The following KAT6B variants were observed in gnomAD, a reference collection of about 807,000 sequenced individuals.
The protein encoded by KAT6B is histone acetyltransferase KAT6B.
A neutral mutation model predicts 187.5 loss-of-function variants in KAT6B; 10 were observed. The observed-to-expected ratio is 0.05, with a 90% CI of 0.03 to 0.09. The LOEUF is 0.09. Among genes scored for constraint, KAT6B ranks in the 10% least tolerant of loss-of-function variants. The pLI is 1.00. For missense variants in KAT6B, 1,952 were observed against 2,558.9 expected, an observed-to-expected ratio of 0.76 and a Z score of 5.12; for synonymous variants, 861 against 926.8, an observed-to-expected ratio of 0.93 and a Z score of 1.29.
chr10:74,981,477 G>A (rs1324809328), intron 10 of KAT6B, among the ~76,000 whole-genome samples: 1 of 152,064 alleles, frequency 6.6e-6, no homozygotes, highest in African/African-American at 2.4e-5. Flanking sequence ...GGGCTTAAGC[G>A]ATCTTCCTGC....
At chr10:75,022,383 T>A in intron 16 of KAT6B, 152 bp downstream of exon 16, 2 of 953,826 alleles carry the variant, frequency 2.1e-6, no homozygotes. Flanking sequence ...CATAATCGTT[T>A]ATCTCACAGT....
At chr10:74,834,085 G>A (rs1589436824) in intron 1 of KAT6B, among the ~76,000 whole-genome samples, 1 of 152,184 alleles carries the variant, frequency 6.6e-6, no homozygotes, top group African/African-American at 2.4e-5. Context: ...GTTTGTGTGT[G>A]TATGTGCATG....
chr10:75,003,043 C>G (rs1300036581), intron 13 of KAT6B: 2 of 152,202 alleles, frequency 1.3e-5, no homozygotes, highest in Non-Finnish European at 2.9e-5. Flanking sequence ...ACCATCAGCA[C>G]TGGTTTACTT....
chr10:74,943,781 G>T (rs1362850868), intron 3 of KAT6B, among the ~76,000 whole-genome samples: 1 of 152,104 alleles, frequency 6.6e-6, no homozygotes, highest in Non-Finnish European at 1.5e-5. Flanking sequence ...ATCGATAAAT[G>T]GCACTTTATC....
chr10:74,853,226 A>G (rs1842598139), intron 3 of KAT6B, among the ~76,000 whole-genome samples: 1 of 141,992 alleles, frequency 7.0e-6, no homozygotes, highest in East Asian at 2.1e-4. Flanking sequence ...GTGATCCTTG[A>G]TCCTCCCACC....
At chr10:74,918,667 C>T (rs375354543) in intron 3 of KAT6B, among the ~76,000 whole-genome samples, 2 of 151,732 alleles carry the variant, frequency 1.3e-5, no homozygotes, top group East Asian at 2.0e-4. Context: ...TGCTTGAACC[C>T]GGGAGGCAGA....
intron 4 of KAT6B, among the ~76,000 whole-genome samples, chr10:74,969,111 G>A (rs1841683202): frequency 6.6e-6 from 1 of 152,196 alleles, no homozygotes; most frequent in Admixed American, 6.5e-5. Flanking sequence ...AGATGGCAAT[G>A]GAATATCCTC....
intron 3 of KAT6B, among the ~76,000 whole-genome samples, chr10:74,906,037 T>G (rs1846736570): frequency 1.3e-5 from 2 of 152,158 alleles, no homozygotes; most frequent in African/African-American, 4.8e-5. Context: ...TGTACACCAT[T>G]AAGAGTGAAA....
At chr10:74,888,792 T>TAC (rs1361638409) in intron 3 of KAT6B, among the ~76,000 whole-genome samples, 1 of 152,232 alleles carries the variant, frequency 6.6e-6, no homozygotes, top group Non-Finnish European at 1.5e-5. Context: ...TGTACAGTGG[T>TAC]ACAGCCAGCA....
chr10:74,949,907 T>C (rs1840202774), intron 3 of KAT6B, among the ~76,000 whole-genome samples: 1 of 152,204 alleles, frequency 6.6e-6, no homozygotes, highest in Non-Finnish European at 1.5e-5. Context: ...TGGAGAACCC[T>C]CATCCTGTGA....
At chr10:74,895,153 T>A (rs1266819603) in intron 3 of KAT6B, among the ~76,000 whole-genome samples, 1 of 152,134 alleles carries the variant, frequency 6.6e-6, no homozygotes, top group Non-Finnish European at 1.5e-5. Context: ...ATGTTGAACA[T>A]CTTTTTATAT....
chr10:74,918,509 A>G (rs892571385), intron 3 of KAT6B, among the ~76,000 whole-genome samples: 5 of 152,250 alleles, frequency 3.3e-5, no homozygotes, highest in African/African-American at 1.2e-4. Flanking sequence ...TGGGAGACCA[A>G]GGCAGGCGGA....
In KAT6B at chr10:74,944,220, T is replaced by C. The variant is rs189409189; in HGVS notation, c.622-15750T>C. 2.5e-3 allele frequency among the ~76,000 whole-genome samples: 374 copies of C among 152,316 alleles called. 1 individual carries two copies. The highest frequency in any genetic ancestry group is 4.6e-3 in the Admixed American group (71 of 15,306). On this transcript the variant is annotated intron_variant, in intron 3 of 17. Transcript: ENST00000287239. The stretch of plus-strand genomic sequence containing the variant: ...GAGTTGGGCCCTGATGGTGCCTTTT[T>C]ATTTCTGCATCACTCAGTAATGTGG...
chr10:74,887,805 G>A (rs1305829306), intron 3 of KAT6B, among the ~76,000 whole-genome samples: 1 of 151,978 alleles, frequency 6.6e-6, no homozygotes, highest in Non-Finnish European at 1.5e-5. Flanking sequence ...CTAGGAGTTT[G>A]AGACCAGCCT....
At position 74,899,588 on chromosome 10, in the gene KAT6B, T is replaced by C. The variant is rs547225732; in HGVS notation, c.621+56110T>C. Reference sequence around the variant, plus strand: ...CCGCGCCCGACCTCTAAATGAATTTTTAAAACTCCAGCATCTCACAAATGG... The same window carrying C: ...CCGCGCCCGACCTCTAAATGAATTTCTAAAACTCCAGCATCTCACAAATGG... On this transcript the variant is annotated intron_variant, in intron 3 of 17. Transcript: ENST00000287239. Among the ~76,000 whole-genome samples the C allele has an allele frequency of 3.9e-5, 6 of 152,306 alleles. No homozygotes were observed. The South Asian group carries it at 1.2e-3, about 32-fold the overall frequency.
chr10:74,931,791 A>C (rs1045336413), intron 3 of KAT6B, among the ~76,000 whole-genome samples: 16 of 152,104 alleles, frequency 1.1e-4, no homozygotes, highest in African/African-American at 3.9e-4. Flanking sequence ...GCTCACTGCA[A>C]CCTCCGCCTC....
chr10:74,829,807 A>G (rs986412006), intron 1 of KAT6B, among the ~76,000 whole-genome samples: 5 of 151,656 alleles, frequency 3.3e-5, no homozygotes, highest in Admixed American at 3.3e-4. Context: ...TCACGAGGTC[A>G]AGAAATCAAG....
At chr10:74,902,560 C>T (rs1846476152) in intron 3 of KAT6B, among the ~76,000 whole-genome samples, 1 of 152,176 alleles carries the variant, frequency 6.6e-6, no homozygotes, top group Non-Finnish European at 1.5e-5. Context: ...AATAGCTAAA[C>T]TACTTTGGTG....
chr10:74,843,813 GC>G (rs1841917410), intron 3 of KAT6B, among the ~76,000 whole-genome samples: 1 of 152,106 alleles, frequency 6.6e-6, no homozygotes, highest in Non-Finnish European at 1.5e-5. Flanking sequence ...CTACGAAAAG[GC>G]CATCGTATAT....
Sources: allele counts gnomAD v4.1 joint callset (sites outside exome capture counted in the v4.1 genomes callset), GRCh38; gene constraint gnomAD v4.1.1; transcripts MANE v1.5; gene names NCBI Gene and HGNC (gene_info 2026-07-23, HGNC 2026-07-21).